ALPK1: variants seen among roughly 807,000 people sequenced by gnomAD.
The protein encoded by ALPK1 is alpha kinase 1.
A neutral mutation model predicts 120.6 loss-of-function variants in ALPK1; 110 were observed. The ratio of observed to expected loss-of-function variants is 0.91; its 90% CI spans 0.78 to 1.07. ALPK1 has a LOEUF of 1.07. Among genes scored for constraint, ALPK1 ranks in the 50% least tolerant of loss-of-function variants. The pLI is 0.00. For missense variants in ALPK1, 1,498 were observed against 1,483.9 expected, an observed-to-expected ratio of 1.01 and a Z score of -0.16; for synonymous variants, 582 against 560.3, an observed-to-expected ratio of 1.04 and a Z score of -0.55.
At chr4:112,341,428 C>T (rs1232574018) in intron 2 of ALPK1, among the ~76,000 whole-genome samples, 1 of 152,168 alleles carries the variant, frequency 6.6e-6, no homozygotes, top group Non-Finnish European at 1.5e-5. Flanking sequence ...AGATAATTTC[C>T]TTAACTTCCA....
intron 2 of ALPK1, among the ~76,000 whole-genome samples, chr4:112,350,233 T>A (rs1051255261): frequency 6.6e-6 from 1 of 152,232 alleles, no homozygotes; most frequent in African/African-American, 2.4e-5. Flanking sequence ...CATAGTTCTA[T>A]GCAAAATAAA....
intron 4 of ALPK1, among the ~76,000 whole-genome samples, chr4:112,402,598 G>A (rs1359789332): frequency 6.6e-6 from 1 of 152,158 alleles, no homozygotes; most frequent in Non-Finnish European, 1.5e-5. Context: ...GAAAACAGAT[G>A]TGAAAAAACA....
chr4:112,397,661 G>A (rs891714782), intron 4 of ALPK1, among the ~76,000 whole-genome samples: 1 of 152,088 alleles, frequency 6.6e-6, no homozygotes, highest in Non-Finnish European at 1.5e-5. Flanking sequence ...CTTTGTCTAA[G>A]GCCATACCTT....
At chr4:112,351,404 C>A (rs1730346535) in intron 2 of ALPK1, among the ~76,000 whole-genome samples, 1 of 151,938 alleles carries the variant, frequency 6.6e-6, no homozygotes, top group African/African-American at 2.4e-5. Flanking sequence ...AGTGACATAG[C>A]AAAGACCTTC....
chr4:112,425,370 A>G (rs774765151), intron 6 of ALPK1: 12 of 200,720 alleles, frequency 6.0e-5, no homozygotes, highest in Middle Eastern at 2.0e-3. Context: ...AGAGAATCCC[A>G]AGCAGGGCTA....
chr4:112,425,561 T>C (rs921760504), intron 6 of ALPK1, 104 bp from the exon 7 acceptor site: 35 of 933,596 alleles, frequency 3.7e-5, no homozygotes, highest in Non-Finnish European at 5.4e-5. Flanking sequence ...AGATTGTTTC[T>C]CAAAATGATG....
chr4:112,348,028 C>T (rs940856424), intron 2 of ALPK1, among the ~76,000 whole-genome samples: 4 of 152,218 alleles, frequency 2.6e-5, no homozygotes, highest in Non-Finnish European at 4.4e-5. Flanking sequence ...AGAGTTCTTC[C>T]GCTTGAAGAG....
chr4:112,357,549 C>A, intron 2 of ALPK1: 2 of 1,164,852 alleles, frequency 1.7e-6, no homozygotes, highest in East Asian at 2.4e-5. Flanking sequence ...TTATCATCCT[C>A]ACCAGTGGCA....
chr4:112,333,608 G>A (rs1225127117), intron 2 of ALPK1, among the ~76,000 whole-genome samples: 1 of 152,150 alleles, frequency 6.6e-6, no homozygotes, highest in Non-Finnish European at 1.5e-5. Flanking sequence ...ACCAGAACTA[G>A]CGCATTTACC....
intron 2 of ALPK1, among the ~76,000 whole-genome samples, chr4:112,370,128 G>A (rs1403534047): frequency 6.6e-6 from 1 of 152,154 alleles, no homozygotes; most frequent in African/African-American, 2.4e-5. Flanking sequence ...AAGAAATGGA[G>A]CTTTGAATAA....
chr4:112,348,183 G>A (rs1730179656), intron 2 of ALPK1, among the ~76,000 whole-genome samples: 1 of 152,204 alleles, frequency 6.6e-6, no homozygotes, highest in South Asian at 2.1e-4. Flanking sequence ...AATCCTGAAA[G>A]TCTAAAACTG....
intron 8 of ALPK1, among the ~76,000 whole-genome samples, chr4:112,427,344 A>G (rs1734280478): frequency 7.3e-6 from 1 of 136,282 alleles, no homozygotes; most frequent in Non-Finnish European, 1.6e-5. Flanking sequence ...ATGTATAATT[A>G]TTATATACAT....
intron 4 of ALPK1, among the ~76,000 whole-genome samples, chr4:112,399,121 C>T (rs1257493615): frequency 6.6e-6 from 1 of 152,126 alleles, no homozygotes; most frequent in Non-Finnish European, 1.5e-5. Flanking sequence ...ACGTGGGATT[C>T]ATCATCAGTG....
At chr4:112,390,967 T>G (rs1732388434) in intron 4 of ALPK1, among the ~76,000 whole-genome samples, 1 of 151,962 alleles carries the variant, frequency 6.6e-6, no homozygotes, top group African/African-American at 2.4e-5. Context: ...TTGAGAGAAG[T>G]GGAAAGAGGA....
At chr4:112,348,879 G>A (rs188067943) in intron 2 of ALPK1, among the ~76,000 whole-genome samples, 11 of 152,250 alleles carry the variant, frequency 7.2e-5, no homozygotes, top group Admixed American at 7.2e-4. Context: ...TGTGTGTCTC[G>A]GAGCAAAGGA....
At chr4:112,413,671 G>A (rs1043981046) in intron 5 of ALPK1, among the ~76,000 whole-genome samples, 5 of 152,168 alleles carry the variant, frequency 3.3e-5, no homozygotes, top group Non-Finnish European at 5.9e-5. Flanking sequence ...CACCCACCTC[G>A]GCCTCCCAGA....
chr4:112,313,927 G>A (rs1728526114), intron 1 of ALPK1, among the ~76,000 whole-genome samples: 1 of 152,192 alleles, frequency 6.6e-6, no homozygotes, highest in East Asian at 1.9e-4. Context: ...AATAACTACT[G>A]ATGAAAGTGA....
chr4:112,407,859 G>A (rs557525410), intron 4 of ALPK1, among the ~76,000 whole-genome samples: 1 of 152,260 alleles, frequency 6.6e-6, no homozygotes, highest in Non-Finnish European at 1.5e-5. Flanking sequence ...CTGTAATCCA[G>A]CACTTTGGGA....
chr4:112,318,962 T>C (rs17044411), intron 2 of ALPK1, among the ~76,000 whole-genome samples: 13,378 of 152,244 alleles, frequency 0.088, 887 homozygotes, highest in Admixed American at 0.22. Context: ...GGACCCTCCA[T>C]GCCAAGTTCA....
Sources: gnomAD v4.1 joint callset for allele counts (sites outside exome capture counted in the v4.1 genomes callset) on GRCh38, gnomAD v4.1.1 for gene constraint, MANE v1.5 for transcripts, NCBI Gene and HGNC (gene_info 2026-07-23, HGNC 2026-07-21) for gene names.